ATXN7L3B: variants seen among roughly 807,000 people sequenced by gnomAD.
ATXN7L3B encodes ataxin-7-like protein 3B.
Under a neutral mutation model 6.3 loss-of-function variants are expected in ATXN7L3B, and 4 were observed. That is an observed-to-expected ratio of 0.63 (90% CI 0.31 to 1.45). The LOEUF (loss-of-function observed/expected upper bound fraction) is 1.45. Among genes scored for constraint, ATXN7L3B ranks in the 40% most tolerant of loss-of-function variants. ATXN7L3B has a pLI of 0.07. For synonymous variants in ATXN7L3B, 63 were observed against 48.0 expected (o/e 1.31, Z -1.29); for missense variants, 120 against 118.5 (o/e 1.01, Z -0.06).
rs1003712804 is a variant in ATXN7L3B at position 74,543,978 on chromosome 12, C to T, written c.*5572C>T. Reference sequence around the variant, plus strand: ...TGTTCTAAGATGATATTTACATGAACAATTTTATAGAATCTAGAAACAGTT... The same window carrying T: ...TGTTCTAAGATGATATTTACATGAATAATTTTATAGAATCTAGAAACAGTT... On this transcript the variant is annotated 3_prime_UTR_variant, in exon 1 of 1. Coordinates refer to ENST00000519948, the MANE Select transcript of ATXN7L3B (RefSeq NM_001136262.2). The T allele has an allele frequency of 1.3e-5, 2 of 151,954 alleles. No homozygotes were observed. The highest frequency in any genetic ancestry group is 1.3e-4 in the Admixed American group (2 of 15,264). 9.4% of individuals were successfully genotyped at this position (151,954 alleles called of 1,614,324 possible). A position where few individuals can be genotyped will look rare whatever the true frequency, so the allele number is the denominator to read the frequency against.
Position 74,540,986 on chromosome 12 carries a change from C to A in ATXN7L3B, c.*2580C>A, listed in dbSNP as rs1868879832. 3 of 167,022 alleles carry A rather than the reference C, an allele frequency of 1.8e-5. No individual in the cohort carries two copies. The highest frequency in any genetic ancestry group is 4.8e-5 in the African/African-American group (2 of 41,430). 10.3% of individuals were successfully genotyped at this position (167,022 alleles called of 1,614,324 possible). Reference sequence around the variant, plus strand: ...GTGCCCAGAGGGTACATACTCCTTTCTGGGGAGAGAATGCTCCCTACCATA... The same window carrying A: ...GTGCCCAGAGGGTACATACTCCTTTATGGGGAGAGAATGCTCCCTACCATA... On this transcript the variant is annotated 3_prime_UTR_variant, in exon 1 of 1. Transcript: ENST00000519948.
At position 74,537,965 on chromosome 12, in the gene ATXN7L3B, C is replaced by T. The variant is rs1230005154; in HGVS notation, c.-148C>T. The T allele has an allele frequency of 7.5e-6, 5 of 663,866 alleles. No individual in the cohort carries two copies. The highest frequency in any genetic ancestry group is 2.9e-5 in the Admixed American group (1 of 34,218). 41.1% of individuals were successfully genotyped at this position (663,866 alleles called of 1,614,324 possible). ...GATTCCGGAGCAGTCGCCCCTATCG[C>T]TGCTCCTGCAGTTGCGGACGCCACC... On this transcript the variant is annotated 5_prime_UTR_variant, in exon 1 of 1. Transcript: ENST00000519948.
rs1868940030 is a variant in ATXN7L3B at position 74,543,204 on chromosome 12, T to A, written c.*4798T>A. On this transcript the variant is annotated 3_prime_UTR_variant, in exon 1 of 1. Coordinates refer to ENST00000519948, the MANE Select transcript of ATXN7L3B (RefSeq NM_001136262.2). Reference sequence around the variant, plus strand: ...TAAAAAGGAAATACTAAATTGATTTTAGAGATGAAAAAAAAATCTTCAGCA... The same window carrying A: ...TAAAAAGGAAATACTAAATTGATTTAAGAGATGAAAAAAAAATCTTCAGCA... 6.6e-6 allele frequency: 1 copy of A among 152,082 alleles called. No individual in the cohort carries two copies. The allele number at this position is 152,082 out of a possible 1,614,324, so 9.4% of individuals were successfully genotyped here.
chr12:74,541,600 T>C lies in ATXN7L3B; in HGVS notation c.*3194T>C. On this transcript the variant is annotated 3_prime_UTR_variant, in exon 1 of 1. Coordinates refer to ENST00000519948, the MANE Select transcript of ATXN7L3B (RefSeq NM_001136262.2). Reference sequence around the variant, plus strand: ...ATCAGAACAGAGAAACTGTCCAACCTTGTTTCTCAATTTGGCCTGCAAATT... The same window carrying C: ...ATCAGAACAGAGAAACTGTCCAACCCTGTTTCTCAATTTGGCCTGCAAATT... 1 of 152,410 alleles carries C rather than the reference T, an allele frequency of 6.6e-6. No individual in the cohort carries two copies. Among genetic ancestry groups the C allele is most frequent in the East Asian group, 1.9e-4 (1 of 5,178 alleles). 9.4% of individuals were successfully genotyped at this position (152,410 alleles called of 1,614,324 possible). A position where few individuals can be genotyped will look rare whatever the true frequency, so the allele number is the denominator to read the frequency against.
rs1657547134 is a variant in ATXN7L3B, at chr12:74,543,521, C to T, written c.*5115C>T. The T allele has an allele frequency of 3.3e-5, 5 of 151,938 alleles. No homozygotes were observed. The highest frequency in any genetic ancestry group is 2.6e-4 in the Admixed American group (4 of 15,260). The allele number at this position is 151,938 out of a possible 1,614,324, so 9.4% of individuals were successfully genotyped here. ...GAATACATCTATAACTTTTAAAACACCACACAATTAGAATTTTATAGAGAA... is the reference window on the plus strand; with the variant it reads ...GAATACATCTATAACTTTTAAAACATCACACAATTAGAATTTTATAGAGAA... On this transcript the variant is annotated 3_prime_UTR_variant, in exon 1 of 1. Transcript: ENST00000519948.
At position 74,538,017 on chromosome 12, in the gene ATXN7L3B, T is replaced by A; in HGVS notation, c.-96T>A. ...ACCCCGCCGCCGGAGGACTGGGCAC[T>A]GAAAGGCCTCTAGGCCTAGGCGCGG... On this transcript the variant is annotated 5_prime_UTR_variant, in exon 1 of 1. Transcript: ENST00000519948. The A allele has an allele frequency of 8.0e-7, 1 of 1,250,328 alleles. No homozygotes were observed. The highest frequency in any genetic ancestry group is 1.1e-6 in the Non-Finnish European group (1 of 907,980). 77.5% of individuals were successfully genotyped at this position (1,250,328 alleles called of 1,614,324 possible).
Position 74,544,607 on chromosome 12 carries a change from G to C in ATXN7L3B, c.*6201G>C, listed in dbSNP as rs1353373616. On this transcript the variant is annotated 3_prime_UTR_variant, in exon 1 of 1. Transcript: ENST00000519948. Reference sequence around the variant, plus strand: ...CAGATTATCCATAAATAATAAAACTGTGCTCAGACACAAAATTAATTCCTA... The same window carrying C: ...CAGATTATCCATAAATAATAAAACTCTGCTCAGACACAAAATTAATTCCTA... 6.6e-6 allele frequency: 1 copy of C among 151,970 alleles called. No individual in the cohort carries two copies. The highest frequency in any genetic ancestry group is 2.4e-5 in the African/African-American group (1 of 41,474). 9.4% of individuals were successfully genotyped at this position (151,970 alleles called of 1,614,324 possible).
At position 74,538,385 on chromosome 12, in the gene ATXN7L3B, C is replaced by G. The variant is rs558392768; in HGVS notation, c.273C>G (p.Arg91=). ...PGNGPDQQLQ[R]SPPEFQ is the part of the protein sequence containing the mutation. ...ATGGGCCTGATCAGCAGCTGCAGCG[C>G]TCACCTCCGGAATTCCAGTAGCTGC... Residue 91 remains arginine, a synonymous_variant, in exon 1 of 1, where the codon CGC becomes CGG. Coordinates refer to ENST00000519948, the MANE Select transcript of ATXN7L3B (RefSeq NM_001136262.2). 5 of 1,551,306 alleles carry G rather than the reference C, an allele frequency of 3.2e-6. No homozygotes were observed. Among genetic ancestry groups the G allele is most frequent in the East Asian group, 2.4e-5 (1 of 40,902 alleles).
In ATXN7L3B at chr12:74,538,293, A is replaced by T. The variant is rs920663153; in HGVS notation, c.181A>T (p.Ile61Phe). 2 of 1,561,106 alleles carry T rather than the reference A, an allele frequency of 1.3e-6. No individual in the cohort carries two copies. The highest frequency in any genetic ancestry group is 1.7e-6 in the Non-Finnish European group (2 of 1,152,606). The change falls in exon 1 of 1, where the codon ATT (isoleucine) becomes TTT (phenylalanine). Residue 61 changes from isoleucine (I) to phenylalanine (F), a missense_variant. Physicochemically the swap from Ile to Phe is conservative, Grantham distance 21 (BLOSUM62 0). Coordinates refer to ENST00000519948, the MANE Select transcript of ATXN7L3B (RefSeq NM_001136262.2). ...GACTGGTAGCGTGAAGGATTTTGGC[A>T]TTCAGCCAGTGGAAGACAAAGGAGC... is the stretch of plus-strand genomic sequence containing the variant. ...AETGSVKDFG[I>F]QPVEDKGACR... is the part of the protein sequence containing the mutation.
In ATXN7L3B at chr12:74,540,887, T is replaced by A. The variant is rs1190314508; in HGVS notation, c.*2481T>A. On this transcript the variant is annotated 3_prime_UTR_variant, in exon 1 of 1. Transcript: ENST00000519948. ...TTCATATTACCCCCCTTTTGTTTTT[T>A]GTTTCTGGCCCCTCTACCAATAGGG... The A allele has an allele frequency of 6.0e-6, 1 of 167,086 alleles. No homozygotes were observed. Among genetic ancestry groups the A allele is most frequent in the Admixed American group, 6.5e-5 (1 of 15,270 alleles). The allele number at this position is 167,086 out of a possible 1,614,324, so 10.4% of individuals were successfully genotyped here.
chr12:74,538,486 A>G lies in ATXN7L3B; in HGVS notation c.*80A>G, dbSNP rs1868782694. ...GCTTCGAGGAGTAAGCTAAGTAGAA[A>G]AAAGTAGAAAAATCAGACAAAAGTT... On this transcript the variant is annotated 3_prime_UTR_variant, in exon 1 of 1. Transcript: ENST00000519948. 7.7e-7 allele frequency: 1 copy of G among 1,296,878 alleles called. No homozygotes were observed. The highest frequency in any genetic ancestry group is 1.0e-6 in the Non-Finnish European group (1 of 957,672). 80.3% of individuals were successfully genotyped at this position (1,296,878 alleles called of 1,614,324 possible).
Position 74,538,547 on chromosome 12 carries a change from C to T in ATXN7L3B, c.*141C>T, listed in dbSNP as rs2001937. ...CTTGAAGATCCTAGCATTTAAAAACCCAAAGTGGATAATTTAGGAATCCTT... is the reference window on the plus strand; with the variant it reads ...CTTGAAGATCCTAGCATTTAAAAACTCAAAGTGGATAATTTAGGAATCCTT... On this transcript the variant is annotated 3_prime_UTR_variant, in exon 1 of 1. Transcript: ENST00000519948. The T allele has an allele frequency of 0.07, 55,830 of 795,184 alleles. 5,628 individuals carry two copies. The highest frequency in any genetic ancestry group is 0.47 in the East Asian group (17,289 of 37,070). The allele number at this position is 795,184 out of a possible 1,614,324, so 49.3% of individuals were successfully genotyped here.
In ATXN7L3B at chr12:74,538,875, T is replaced by G. The variant is rs920017189; in HGVS notation, c.*469T>G. On this transcript the variant is annotated 3_prime_UTR_variant, in exon 1 of 1. Transcript: ENST00000519948. ...TGATATCTGAACCTCTGTTATGGGC[T>G]TCTCTGAGACAAGTAAATGTCAGGT... 5.8e-6 allele frequency: 1 copy of G among 173,242 alleles called. No individual in the cohort carries two copies. The highest frequency in any genetic ancestry group is 2.4e-5 in the African/African-American group (1 of 41,544). 10.7% of individuals were successfully genotyped at this position (173,242 alleles called of 1,614,324 possible).
At position 74,538,085 on chromosome 12, in the gene ATXN7L3B, C is replaced by G. The variant is rs547208470; in HGVS notation, c.-28C>G. 1.3e-6 allele frequency: 2 copies of G among 1,544,920 alleles called. No individual in the cohort carries two copies. Among genetic ancestry groups the G allele is most frequent in the East Asian group, 2.4e-5 (1 of 40,834 alleles). On this transcript the variant is annotated 5_prime_UTR_variant, in exon 1 of 1. Transcript: ENST00000519948. ...GTTGCTGCCGTGAGTAAAACGAGCG[C>G]CCTCTCCGCACTCGTTTACAAATTA... is the stretch of plus-strand genomic sequence containing the variant.
Position 74,538,166 on chromosome 12 carries a change from T to C in ATXN7L3B, c.54T>C (p.Ala18=), listed in dbSNP as rs768787523. 9 of 1,588,754 alleles carry C rather than the reference T, an allele frequency of 5.7e-6. No homozygotes were observed. Residue 18 remains alanine (A), a synonymous_variant, in exon 1 of 1, where the codon GCT becomes GCC. Coordinates refer to ENST00000519948, the MANE Select transcript of ATXN7L3B (RefSeq NM_001136262.2). The stretch of plus-strand genomic sequence containing the variant: ...ATACTAACAAGCTAGAGGCCATCGC[T>C]CAGGAGATTTACGTAGACCTGATAG... ...NLDTNKLEAI[A]QEIYVDLIED...
rs893078439 is a variant in ATXN7L3B, at chr12:74,545,249, T to C, written c.*6843T>C. On this transcript the variant is annotated 3_prime_UTR_variant, in exon 1 of 1. Coordinates refer to ENST00000519948, the MANE Select transcript of ATXN7L3B (RefSeq NM_001136262.2). ...GGAAAAATTGAAAGTAATATACCCA[T>C]TTGGAATACATATAGTCACTATACT... The C allele has an allele frequency of 9.9e-5, 15 of 152,088 alleles. No individual in the cohort carries two copies. The highest frequency in any genetic ancestry group is 3.6e-4 in the African/African-American group (15 of 41,440). The allele number at this position is 152,088 out of a possible 1,614,324, so 9.4% of individuals were successfully genotyped here.
Position 74,540,881 on chromosome 12 carries a change from GTT to G in ATXN7L3B, c.*2480_*2481del, listed in dbSNP as rs143775776. ...ATTTTGTTCATATTACCCCCCTTTT[GTT>G]TTTTGTTTCTGGCCCCTCTACCAAT... On this transcript the variant is annotated 3_prime_UTR_variant, in exon 1 of 1. Coordinates refer to ENST00000519948, the MANE Select transcript of ATXN7L3B (RefSeq NM_001136262.2). 0.11 allele frequency: 17,674 copies of G among 167,052 alleles called. 1,223 individuals are homozygous for G. Among genetic ancestry groups the G allele is most frequent in the Middle Eastern group, 0.17 (49 of 296 alleles). The allele number at this position is 167,052 out of a possible 1,614,324, so 10.3% of individuals were successfully genotyped here.
Position 74,545,363 on chromosome 12 carries a change from A to G in ATXN7L3B, c.*6957A>G, listed in dbSNP as rs916561602. On this transcript the variant is annotated 3_prime_UTR_variant, in exon 1 of 1. Coordinates refer to ENST00000519948, the MANE Select transcript of ATXN7L3B (RefSeq NM_001136262.2). The stretch of plus-strand genomic sequence containing the variant: ...GTTGCCTTTCTTTTGATGTTTAACA[A>G]TAGGCAAATCAATGCTGTATGTTGT... 6.6e-6 allele frequency: 1 copy of G among 152,128 alleles called. No homozygotes were observed. Among genetic ancestry groups the G allele is most frequent in the African/African-American group, 2.4e-5 (1 of 41,460 alleles). 9.4% of individuals were successfully genotyped at this position (152,128 alleles called of 1,614,324 possible).
rs1868948545 is a variant in ATXN7L3B, at chr12:74,543,527, A to G, written c.*5121A>G. ...ATCTATAACTTTTAAAACACCACAC[A>G]ATTAGAATTTTATAGAGAATACAGT... On this transcript the variant is annotated 3_prime_UTR_variant, in exon 1 of 1. Transcript: ENST00000519948. The G allele has an allele frequency of 6.6e-6, 1 of 152,114 alleles. No individual in the cohort carries two copies. Among genetic ancestry groups the G allele is most frequent in the East Asian group, 1.9e-4 (1 of 5,204 alleles). 9.4% of individuals were successfully genotyped at this position (152,114 alleles called of 1,614,324 possible).
Sources: gnomAD v4.1 joint callset for allele counts on GRCh38, gnomAD v4.1.1 for gene constraint, MANE v1.5 for transcripts, NCBI Gene and HGNC (gene_info 2026-07-23, HGNC 2026-07-21) for gene names.